SPINK8: variants seen among roughly 807,000 people sequenced by gnomAD.
The protein encoded by SPINK8 is serine peptidase inhibitor Kazal type 8 (putative).
In SPINK8, 12 loss-of-function variants were observed where a neutral mutation model predicts 14.4. The observed-to-expected ratio is 0.83, with a 90% confidence interval of 0.53 to 1.35. The LOEUF (loss-of-function observed/expected upper bound fraction) is 1.35. SPINK8 is among the 40% of genes most tolerant of loss of function. The probability of loss-of-function intolerance (pLI) is 0.00; values close to 1 mark genes in which losing one functional copy is unlikely to be tolerated. For missense variants in SPINK8, 103 were observed against 117.0 expected (o/e 0.88, Z 0.55); for synonymous variants, 32 against 37.6 (o/e 0.85, Z 0.55).
intron 7 of SPINK8, 85 bp from the exon 8 acceptor site, chr3:48,307,088 C>T: frequency 1.6e-6 from 2 of 1,279,460 alleles, no homozygotes; most frequent in South Asian, 1.3e-5. Context: ...AACCATAGTT[C>T]AGCAGGGGAA....
chr3:48,308,163 G>A (rs2035875705), intron 7 of SPINK8, among the ~76,000 whole-genome samples: 2 of 151,374 alleles, frequency 1.3e-5, no homozygotes, highest in Non-Finnish European at 2.9e-5. Flanking sequence ...TTTTAGTAGA[G>A]ATGGGTTTCA....
intron 2 of SPINK8, among the ~76,000 whole-genome samples, chr3:48,330,049 A>G (rs1182907735): frequency 1.3e-5 from 2 of 152,206 alleles, no homozygotes; most frequent in Non-Finnish European, 2.9e-5. Context: ...TCCTAAATGA[A>G]TGGCCTTAAC....
At chr3:48,333,379 G>T (rs557356320) in intron 1 of SPINK8, among the ~76,000 whole-genome samples, 156 bp downstream of exon 1, 1 of 152,044 alleles carries the variant, frequency 6.6e-6, no homozygotes. Flanking sequence ...TGCCTGGGAG[G>T]GGGGAACGTT....
rs148753523 is a variant in SPINK8, at chr3:48,309,524, G to T, written c.282+380C>A. On this transcript the variant is annotated intron_variant, in intron 7 of 7. Coordinates refer to ENST00000434006, the MANE Select transcript of SPINK8 (RefSeq NM_001080525.3). The stretch of plus-strand genomic sequence containing the variant: ...AGAAGGTGTTATTTTTGGTTGGGGA[G>T]ATTTGAATATGAAGTATGTATTAGA... Among the ~76,000 whole-genome samples, 5 of 152,332 alleles carry T rather than the reference G, an allele frequency of 3.3e-5. No individual in the cohort carries two copies. In the East Asian group the frequency reaches 9.6e-4, roughly 29 times the overall value.
chr3:48,312,793 T>C (rs1392962263), intron 6 of SPINK8, among the ~76,000 whole-genome samples: 2 of 151,948 alleles, frequency 1.3e-5, no homozygotes, highest in Non-Finnish European at 2.9e-5. Flanking sequence ...GGTCAGAAGT[T>C]CGAGACCAGC....
rs13090538 is a variant in SPINK8 at position 48,329,279 on chromosome 3, A to G, written c.-135-5T>C. Among the ~76,000 whole-genome samples the G allele has an allele frequency of 6.6e-5, 10 of 152,134 alleles. No individual in the cohort carries two copies. Among genetic ancestry groups the G allele is most frequent in the African/African-American group, 1.9e-4 (8 of 41,438 alleles). On this transcript the variant is annotated splice_region_variant and splice_polypyrimidine_tract_variant and intron_variant, in intron 2 of 7. Coordinates refer to ENST00000434006, the MANE Select transcript of SPINK8 (RefSeq NM_001080525.3). ...GTCTTTTCAAGGTTCCAATGCCTGG[A>G]AGTAGAAGAGAGTGAGCTTTGAAAT...
At chr3:48,313,810 G>A (rs963756810) in intron 6 of SPINK8, among the ~76,000 whole-genome samples, 7 of 152,186 alleles carry the variant, frequency 4.6e-5, no homozygotes, top group African/African-American at 1.7e-4. Flanking sequence ...ATGCCACACT[G>A]TGGATGAACC....
At chr3:48,320,760 G>A (rs970349319) in intron 5 of SPINK8, among the ~76,000 whole-genome samples, 2 of 152,112 alleles carry the variant, frequency 1.3e-5, no homozygotes, top group Non-Finnish European at 2.9e-5. Context: ...TTTGTGCCAC[G>A]ACATCCTCAT....
At chr3:48,329,784 C>T (rs977515911) in intron 2 of SPINK8, among the ~76,000 whole-genome samples, 1 of 152,140 alleles carries the variant, frequency 6.6e-6, no homozygotes, top group Non-Finnish European at 1.5e-5. Flanking sequence ...TGCTTGGCCT[C>T]CCAAAGCATT....
chr3:48,322,458 T>C (rs1388613390), intron 4 of SPINK8, among the ~76,000 whole-genome samples: 1 of 151,724 alleles, frequency 6.6e-6, no homozygotes, highest in Admixed American at 6.6e-5. Context: ...GTCTCAGCCT[T>C]CCAAATAGCT....
intron 2 of SPINK8, among the ~76,000 whole-genome samples, chr3:48,331,710 A>G (rs2036264354): frequency 6.6e-6 from 1 of 152,192 alleles, no homozygotes; most frequent in Non-Finnish European, 1.5e-5. Context: ...CATAATTAGA[A>G]AGGTATGTGA....
At chr3:48,307,850 T>C (rs1444972571) in intron 7 of SPINK8, among the ~76,000 whole-genome samples, 1 of 152,002 alleles carries the variant, frequency 6.6e-6, no homozygotes, top group Non-Finnish European at 1.5e-5. Context: ...TCACATTCTG[T>C]ACTTGGGATA....
intron 7 of SPINK8, among the ~76,000 whole-genome samples, chr3:48,308,391 G>C (rs1364078862): frequency 6.6e-6 from 1 of 152,180 alleles, no homozygotes; most frequent in Non-Finnish European, 1.5e-5. Flanking sequence ...AGACAGAATT[G>C]TGCTCTGCAG....
chr3:48,331,855 C>T (rs989736586), intron 2 of SPINK8, among the ~76,000 whole-genome samples: 1 of 152,190 alleles, frequency 6.6e-6, no homozygotes, highest in South Asian at 2.1e-4. Flanking sequence ...GAGAAGGCCG[C>T]GCTAGTGTCC....
intron 7 of SPINK8, among the ~76,000 whole-genome samples, chr3:48,308,216 C>T (rs568891049): frequency 8.6e-5 from 13 of 151,984 alleles, no homozygotes; most frequent in African/African-American, 1.7e-4. Flanking sequence ...CCTTGTGATC[C>T]GCCTGCCTTG....
At chr3:48,313,903 A>G (rs1439493195) in intron 6 of SPINK8, among the ~76,000 whole-genome samples, 1 of 152,262 alleles carries the variant, frequency 6.6e-6, no homozygotes, top group African/African-American at 2.4e-5. Context: ...TATACAGAAT[A>G]GTAAATCTGT....
intron 4 of SPINK8, among the ~76,000 whole-genome samples, chr3:48,323,206 G>A (rs541136609): frequency 2.6e-5 from 4 of 151,974 alleles, no homozygotes; most frequent in Admixed American, 6.6e-5. Flanking sequence ...GTGCAGTGGC[G>A]TGATCTCTGC....
At chr3:48,325,073 A>G (rs891111359) in intron 4 of SPINK8, among the ~76,000 whole-genome samples, 1 of 152,122 alleles carries the variant, frequency 6.6e-6, no homozygotes. Flanking sequence ...TTTGTTTTGA[A>G]GTATATTTTG....
chr3:48,327,388 TG>T (rs763091322), intron 4 of SPINK8, among the ~76,000 whole-genome samples: 14 of 152,174 alleles, frequency 9.2e-5, no homozygotes, highest in Non-Finnish European at 7.4e-5. Flanking sequence ...GAAATAGGTT[TG>T]AGGCAAAAAT....
Sources: allele counts gnomAD v4.1 joint callset (sites outside exome capture counted in the v4.1 genomes callset), GRCh38; gene constraint gnomAD v4.1.1; transcripts MANE v1.5; gene names NCBI Gene and HGNC (gene_info 2026-07-23, HGNC 2026-07-21).